Variants in DYM observed in about 807,000 individuals in gnomAD.
DYM encodes the protein dymeclin.
DYM carries 78 observed loss-of-function variants against 93.1 expected under a neutral mutation model. The ratio of observed to expected loss-of-function variants is 0.84; its 90% confidence interval spans 0.70 to 1.01. The LOEUF (loss-of-function observed/expected upper bound fraction) is 1.01. Ranked by LOEUF, DYM falls within the 50% of genes least tolerant of loss-of-function variation. DYM has a pLI of 0.00. For missense variants in DYM, 789 were observed against 845.0 expected, an observed-to-expected ratio of 0.93 and a Z score of 0.82; for synonymous variants, 321 against 319.7, an observed-to-expected ratio of 1.00 and a Z score of -0.04.
At chr18:49,344,199 C>G (rs2064389317) in intron 6 of DYM, among the ~76,000 whole-genome samples, 1 of 151,910 alleles carries the variant, frequency 6.6e-6, no homozygotes, top group African/African-American at 2.4e-5. Flanking sequence ...ACAGAAAAAC[C>G]CTGGAACAGC....
At chr18:49,380,270 T>C (rs1032520642) in intron 3 of DYM, among the ~76,000 whole-genome samples, 14 of 152,010 alleles carry the variant, frequency 9.2e-5, no homozygotes, top group Non-Finnish European at 1.9e-4. Flanking sequence ...TTTAAAGAAT[T>C]TTTTTTTAAC....
At chr18:49,349,578 T>G (rs1244164310) in intron 6 of DYM, among the ~76,000 whole-genome samples, 1 of 152,158 alleles carries the variant, frequency 6.6e-6, no homozygotes, top group Non-Finnish European at 1.5e-5. Context: ...TAAAAATAAT[T>G]GTAAAATTTC....
intron 1 of DYM, among the ~76,000 whole-genome samples, chr18:49,457,837 T>C (rs1343901637): frequency 1.3e-5 from 2 of 152,210 alleles, no homozygotes; most frequent in Non-Finnish European, 2.9e-5. Flanking sequence ...GCAGAGAACC[T>C]TTCCCACTTG....
intron 15 of DYM, among the ~76,000 whole-genome samples, chr18:49,127,455 T>G (rs531693995): frequency 6.6e-6 from 1 of 152,338 alleles, no homozygotes; most frequent in East Asian, 1.9e-4. Flanking sequence ...TAGTTTCAAA[T>G]CTTTATTTTT....
chr18:49,410,337 G>A (rs1198439765), intron 2 of DYM, among the ~76,000 whole-genome samples: 2 of 152,086 alleles, frequency 1.3e-5, no homozygotes, highest in East Asian at 3.9e-4. Context: ...TGGGATTACA[G>A]GCATAAGCCA....
intron 14 of DYM, among the ~76,000 whole-genome samples, chr18:49,196,587 A>G (rs1258355836): frequency 6.6e-6 from 1 of 152,178 alleles, no homozygotes; most frequent in Non-Finnish European, 1.5e-5. Context: ...TGTTTTGGAT[A>G]AAGGAAAACT....
rs755550305 is a variant in DYM at position 49,040,252 on chromosome 18, C to T, written c.*3803G>A. On this transcript the variant is annotated 3_prime_UTR_variant, in exon 18 of 18. Transcript: ENST00000675505. Reference sequence around the variant, plus strand: ...GTATTACTTGTCCAGTTCTATGGGGCTGCTTTTCCTCTGGGGGATTTTGCT... The same window carrying T: ...GTATTACTTGTCCAGTTCTATGGGGTTGCTTTTCCTCTGGGGGATTTTGCT... Among the ~76,000 whole-genome samples, 35 of 152,180 alleles carry T rather than the reference C, an allele frequency of 2.3e-4. No individual in the cohort carries two copies. The highest frequency in any genetic ancestry group is 4.7e-4 in the Non-Finnish European group (32 of 68,030).
chr18:49,289,420 A>G (rs1347727513), intron 8 of DYM, among the ~76,000 whole-genome samples: 1 of 148,160 alleles, frequency 6.7e-6, no homozygotes, highest in Non-Finnish European at 1.5e-5. Context: ...AAAAAAAAAA[A>G]AAAAAAAAAA....
chr18:49,105,193 G>A lies in DYM; in HGVS notation c.1912-7678C>T, dbSNP rs190474278. On this transcript the variant is annotated intron_variant, in intron 16 of 17. Coordinates refer to ENST00000675505, the MANE Select transcript of DYM (RefSeq NM_001353214.3). Reference sequence around the variant, plus strand: ...CTTCTAGATTTTCTAGTTTATTTGCGTAGAGGTGCTTATAGCATTCTCTGA... The same window carrying A: ...CTTCTAGATTTTCTAGTTTATTTGCATAGAGGTGCTTATAGCATTCTCTGA... Among the ~76,000 whole-genome samples the A allele has an allele frequency of 3.7e-3, 565 of 152,228 alleles. 3 individuals carry two copies. Among genetic ancestry groups the A allele is most frequent in the South Asian group, 0.013 (61 of 4,814 alleles).
chr18:49,237,528 C>CGGG (rs1312795629), intron 13 of DYM, among the ~76,000 whole-genome samples: 1 of 152,084 alleles, frequency 6.6e-6, no homozygotes, highest in East Asian at 1.9e-4. Context: ...AAGTTTGTCT[C>CGGG]TATTTTTTGT....
intron 5 of DYM, among the ~76,000 whole-genome samples, chr18:49,376,047 G>A (rs2067480240): frequency 6.6e-6 from 1 of 152,116 alleles, no homozygotes; most frequent in South Asian, 2.1e-4. Flanking sequence ...TTGAGGTTTT[G>A]GGACTCAAAC....
intron 8 of DYM, among the ~76,000 whole-genome samples, chr18:49,297,307 C>T (rs576965354): frequency 5.9e-5 from 9 of 152,202 alleles, no homozygotes; most frequent in African/African-American, 1.7e-4. Context: ...GGATGAATTT[C>T]ACAAATAAAC....
chr18:49,237,445 T>A (rs1191447504), intron 13 of DYM, among the ~76,000 whole-genome samples: 1 of 152,212 alleles, frequency 6.6e-6, no homozygotes, highest in Non-Finnish European at 1.5e-5. Context: ...TAGAAAATCA[T>A]CTAGAGTGTT....
chr18:49,414,995 T>C (rs2072754668), intron 2 of DYM, among the ~76,000 whole-genome samples: 2 of 151,760 alleles, frequency 1.3e-5, no homozygotes, highest in Non-Finnish European at 1.5e-5. Context: ...AATACTTCCT[T>C]TTTTTTTGAT....
intron 17 of DYM, among the ~76,000 whole-genome samples, chr18:49,090,699 C>G (rs2078971580): frequency 6.6e-6 from 1 of 152,144 alleles, no homozygotes; most frequent in South Asian, 2.1e-4. Flanking sequence ...CCATGCTCTT[C>G]ACCCTCTGAG....
Position 49,142,020 on chromosome 18 carries a change from AT to A in DYM, c.1728+21664del, listed in dbSNP as rs77837968. Among the ~76,000 whole-genome samples, 703 of 139,382 alleles carry A rather than the reference AT, an allele frequency of 5.0e-3. 3 individuals carry two copies. Among genetic ancestry groups the A allele is most frequent in the East Asian group, 8.7e-3 (42 of 4,832 alleles). The allele number at this position is 139,382 out of a possible 152,430, so 91.4% of individuals were successfully genotyped here. ...AGGCGCCCACCACCACGCCCGGCTA[AT>A]TTTTTTTTTTTTTTGTATCTTTAGT... On this transcript the variant is annotated intron_variant, in intron 15 of 17. Coordinates refer to ENST00000675505, the MANE Select transcript of DYM (RefSeq NM_001353214.3).
At chr18:49,428,168 C>G (rs2074468239) in intron 2 of DYM, among the ~76,000 whole-genome samples, 1 of 151,520 alleles carries the variant, frequency 6.6e-6, no homozygotes, top group South Asian at 2.1e-4. Context: ...GTGAAAGAAG[C>G]CAGTCACGGC....
At chr18:49,432,166 T>C (rs2080379830) in intron 1 of DYM, among the ~76,000 whole-genome samples, 1 of 151,878 alleles carries the variant, frequency 6.6e-6, no homozygotes, top group Non-Finnish European at 1.5e-5. Flanking sequence ...TGAGGCGATC[T>C]ACTCAAAATA....
chr18:49,357,697 A>G (rs1268774610), intron 6 of DYM, among the ~76,000 whole-genome samples: 2 of 152,246 alleles, frequency 1.3e-5, no homozygotes, highest in Non-Finnish European at 2.9e-5. Flanking sequence ...TGAGTCTACC[A>G]TGTGCCAAGC....
Sources: allele counts gnomAD v4.1 joint callset (sites outside exome capture counted in the v4.1 genomes callset), GRCh38; gene constraint gnomAD v4.1.1; transcripts MANE v1.5; gene names NCBI Gene and HGNC (gene_info 2026-07-23, HGNC 2026-07-21).